The following RAD51B variants were observed in gnomAD, a reference collection of about 807,000 sequenced individuals.
RAD51B encodes the protein DNA repair protein RAD51 homolog 2.
RAD51B carries 38 observed loss-of-function variants against 42.2 expected under a neutral mutation model. The ratio of observed to expected loss-of-function variants is 0.90; its 90% CI spans 0.70 to 1.18. The LOEUF (loss-of-function observed/expected upper bound fraction) is 1.18. RAD51B is among the 50% of genes most tolerant of loss of function. RAD51B has a pLI of 0.00. For synonymous variants in RAD51B, 154 were observed against 145.2 expected (o/e 1.06, Z -0.43); for missense variants, 373 against 400.7 (o/e 0.93, Z 0.59).
intron 7 of RAD51B, among the ~76,000 whole-genome samples, chr14:67,962,916 T>C (rs1368534434): frequency 6.6e-6 from 1 of 152,170 alleles, no homozygotes; most frequent in Admixed American, 6.5e-5. Flanking sequence ...ATTAATCTTA[T>C]TCATAGCAAC....
intron 7 of RAD51B, among the ~76,000 whole-genome samples, chr14:67,942,930 C>A (rs2045259206): frequency 6.6e-6 from 1 of 152,060 alleles, no homozygotes; most frequent in African/African-American, 2.4e-5. Context: ...TTTATGCATG[C>A]TCCTTTCTTG....
chr14:68,515,408 C>A (rs1440598931), intron 10 of RAD51B, among the ~76,000 whole-genome samples: 1 of 150,002 alleles, frequency 6.7e-6, no homozygotes, highest in African/African-American at 2.4e-5. Context: ...GACATATGGA[C>A]CAATAATTTC....
At chr14:68,406,186 G>A (rs551813632) in intron 8 of RAD51B, among the ~76,000 whole-genome samples, 42 of 152,244 alleles carry the variant, frequency 2.8e-4, no homozygotes, top group African/African-American at 9.6e-4. Context: ...CGTGGGTTTG[G>A]CCTCTTTATA....
rs140235090 is a variant in RAD51B, at chr14:68,164,399, C to T, written c.757-127485C>T. Among the ~76,000 whole-genome samples, 562 of 152,178 alleles carry T rather than the reference C, an allele frequency of 3.7e-3. 1 individual carries two copies. Among genetic ancestry groups the T allele is most frequent in the Middle Eastern group, 6.8e-3 (2 of 294 alleles). ...TGGGAGCTGTGGGCTCATAGGCTCT[C>T]CTTTTGAATTGTGAAAACTATACTT... On this transcript the variant is annotated intron_variant, in intron 7 of 10. Transcript: ENST00000471583.
At chr14:67,985,350 T>C (rs1455652579) in intron 7 of RAD51B, among the ~76,000 whole-genome samples, 1 of 152,184 alleles carries the variant, frequency 6.6e-6, no homozygotes, top group African/African-American at 2.4e-5. Context: ...CATTATAAGA[T>C]GTTATGTAAG....
At chr14:68,252,743 A>G (rs945830374) in intron 7 of RAD51B, among the ~76,000 whole-genome samples, 3 of 152,140 alleles carry the variant, frequency 2.0e-5, no homozygotes, top group Non-Finnish European at 2.9e-5. Context: ...ATTTCAAGCA[A>G]TGTTTCACTA....
intron 8 of RAD51B, among the ~76,000 whole-genome samples, chr14:68,335,312 AAGAAAAG>A (rs778705315): frequency 1.5e-5 from 2 of 136,818 alleles, no homozygotes; most frequent in Non-Finnish European, 1.6e-5. Context: ...AAAAAAAAAA[AAGAAAAG>A]AAAAAAGAAA....
At chr14:68,648,986 A>G (rs1050587392) in intron 10 of RAD51B, among the ~76,000 whole-genome samples, 2 of 152,082 alleles carry the variant, frequency 1.3e-5, no homozygotes, top group South Asian at 4.1e-4. Flanking sequence ...AGTGTGCACA[A>G]TCCTGGCTGT....
At chr14:68,131,648 A>C (rs2077895231) in intron 7 of RAD51B, among the ~76,000 whole-genome samples, 1 of 152,222 alleles carries the variant, frequency 6.6e-6, no homozygotes, top group Non-Finnish European at 1.5e-5. Flanking sequence ...GTGAGCCGAG[A>C]TCATGCCACT....
intron 9 of RAD51B, among the ~76,000 whole-genome samples, chr14:68,414,459 C>G (rs916555057): frequency 6.6e-6 from 1 of 152,102 alleles, no homozygotes; most frequent in African/African-American, 2.4e-5. Context: ...GCCTCTCCTA[C>G]TTTTTGTAGT....
intron 3 of RAD51B, among the ~76,000 whole-genome samples, chr14:67,829,432 C>T (rs868481336): frequency 7.2e-5 from 11 of 151,976 alleles, no homozygotes; most frequent in Admixed American, 4.6e-4. Flanking sequence ...TTAGTAGAGA[C>T]GGGGTTTCAC....
intron 7 of RAD51B, among the ~76,000 whole-genome samples, chr14:68,270,439 A>G (rs544856073): frequency 2.9e-4 from 44 of 152,190 alleles, no homozygotes; most frequent in Non-Finnish European, 5.7e-4. Context: ...AATTTCCCAC[A>G]GTCTTAGGCT....
At chr14:68,389,133 A>G (rs1321095932) in intron 8 of RAD51B, among the ~76,000 whole-genome samples, 2 of 152,236 alleles carry the variant, frequency 1.3e-5, no homozygotes, top group East Asian at 1.9e-4. Flanking sequence ...TAAATGAAGT[A>G]TAATATGTAA....
chr14:68,444,951 A>C (rs1279346661), intron 9 of RAD51B, among the ~76,000 whole-genome samples: 1 of 152,250 alleles, frequency 6.6e-6, no homozygotes, highest in Non-Finnish European at 1.5e-5. Flanking sequence ...TCCGTGCATT[A>C]GAGCCATGGC....
At chr14:67,874,403 C>T (rs1451817737) in intron 5 of RAD51B, among the ~76,000 whole-genome samples, 1 of 148,130 alleles carries the variant, frequency 6.8e-6, no homozygotes, top group Non-Finnish European at 1.5e-5. Flanking sequence ...TTTCTTAAAG[C>T]GTTATGACTT....
chr14:68,243,793 C>G (rs1162426726), intron 7 of RAD51B, among the ~76,000 whole-genome samples: 4 of 152,172 alleles, frequency 2.6e-5, no homozygotes, highest in Non-Finnish European at 5.9e-5. Context: ...GGCAGTGTTG[C>G]CCTACTGGAA....
At chr14:68,064,860 T>C (rs1004012150) in intron 7 of RAD51B, among the ~76,000 whole-genome samples, 2 of 152,330 alleles carry the variant, frequency 1.3e-5, no homozygotes, top group South Asian at 2.1e-4. Flanking sequence ...GAATTTCTCA[T>C]TGAGATAATG....
At chr14:68,421,858 A>C (rs2084708937) in intron 9 of RAD51B, 1 of 1,596,322 alleles carries the variant, frequency 6.3e-7, no homozygotes, top group South Asian at 1.1e-5. Flanking sequence ...GTGCAGATGA[A>C]AAACTGGGAA....
At chr14:68,625,125 C>T (rs1253539033) in intron 10 of RAD51B, among the ~76,000 whole-genome samples, 1 of 152,182 alleles carries the variant, frequency 6.6e-6, no homozygotes, top group Admixed American at 6.5e-5. Context: ...CTAGTGCCCA[C>T]ACTCATACCA....
Sources: allele counts gnomAD v4.1 joint callset (sites outside exome capture counted in the v4.1 genomes callset), GRCh38; gene constraint gnomAD v4.1.1; transcripts MANE v1.5; gene names NCBI Gene and HGNC (gene_info 2026-07-23, HGNC 2026-07-21).